The following KCNMA1 variants were observed in gnomAD, a reference collection of about 807,000 sequenced individuals.
KCNMA1 encodes potassium calcium-activated channel subfamily M alpha 1.
A neutral mutation model predicts 140.0 loss-of-function variants in KCNMA1; 29 were observed. That is an observed-to-expected ratio of 0.21 (90% CI 0.15 to 0.28). The LOEUF is 0.28. Among genes scored for constraint, KCNMA1 ranks in the 10% least tolerant of loss-of-function variants. KCNMA1 has a pLI of 1.00. For missense variants in KCNMA1, 880 were observed against 1,602.2 expected, an observed-to-expected ratio of 0.55 and a Z score of 7.70; for synonymous variants, 612 against 611.9, an observed-to-expected ratio of 1.00 and a Z score of 0.00.
At chr10:77,618,018 T>C (rs2154569141) in intron 1 of KCNMA1, among the ~76,000 whole-genome samples, 1 of 152,302 alleles carries the variant, frequency 6.6e-6, no homozygotes, top group African/African-American at 2.4e-5. Flanking sequence ...ATGAACTGTG[T>C]GGGTAGACGT....
intron 1 of KCNMA1, among the ~76,000 whole-genome samples, chr10:77,531,819 G>C (rs1057468729): frequency 2.1e-4 from 32 of 152,348 alleles, no homozygotes; most frequent in African/African-American, 7.7e-4. Context: ...AGCCAAGAAA[G>C]AGGCAACAAG....
chr10:77,176,275 T>C (rs1597954211), intron 5 of KCNMA1, among the ~76,000 whole-genome samples: 1 of 152,254 alleles, frequency 6.6e-6, no homozygotes, highest in East Asian at 1.9e-4. Flanking sequence ...CTCTGTAAAC[T>C]CCAGAAAGCA....
intron 20 of KCNMA1, among the ~76,000 whole-genome samples, chr10:76,965,428 T>C (rs1007157877): frequency 1.3e-5 from 2 of 152,056 alleles, no homozygotes; most frequent in Non-Finnish European, 2.9e-5. Flanking sequence ...GTCTCAGAAA[T>C]CTCCTGATGG....
intron 1 of KCNMA1, among the ~76,000 whole-genome samples, chr10:77,482,488 C>T (rs936249846): frequency 3.3e-5 from 5 of 152,302 alleles, no homozygotes; most frequent in South Asian, 2.1e-4. Flanking sequence ...TCTCTGACCA[C>T]GCAGCAGAAA....
At chr10:77,453,370 T>C (rs2097699250) in intron 1 of KCNMA1, among the ~76,000 whole-genome samples, 1 of 149,778 alleles carries the variant, frequency 6.7e-6, no homozygotes, top group African/African-American at 2.5e-5. Context: ...TAAATATAAA[T>C]AAATAAATAA....
At chr10:77,345,833 T>C (rs1327885909) in intron 2 of KCNMA1, among the ~76,000 whole-genome samples, 2 of 152,140 alleles carry the variant, frequency 1.3e-5, no homozygotes, top group Non-Finnish European at 2.9e-5. Flanking sequence ...TGGGACACAG[T>C]TGGTGCTCAA....
At chr10:77,636,640 GC>G in intron 1 of KCNMA1, 1 of 1,535,900 alleles carries the variant, frequency 6.5e-7, no homozygotes, top group African/African-American at 1.4e-5. Context: ...AGCCCCGTGG[GC>G]TACCCCCAAT....
chr10:77,233,292 C>T (rs1002624708), intron 3 of KCNMA1, among the ~76,000 whole-genome samples: 3 of 152,088 alleles, frequency 2.0e-5, no homozygotes, highest in African/African-American at 7.2e-5. Context: ...AAGTAATAGC[C>T]TAATGCCCAA....
At position 76,885,519 on chromosome 10, in the gene KCNMA1, T is replaced by G. The variant is rs2036500335; in HGVS notation, c.*1747A>C. ...AGCAAATATCCAAAACTATCATGCT[T>G]GAGGGGACGGGGGATCCAAAATCTA... On this transcript the variant is annotated 3_prime_UTR_variant, in exon 28 of 28. Coordinates refer to ENST00000286628, the MANE Select transcript of KCNMA1 (RefSeq NM_001161352.2). The G allele has an allele frequency of 1.0e-6, 1 of 985,172 alleles. No homozygotes were observed. Among genetic ancestry groups the G allele is most frequent in the East Asian group, 1.1e-4 (1 of 8,810 alleles). The allele number at this position is 985,172 out of a possible 1,614,324, so 61.0% of individuals were successfully genotyped here. A position where few individuals can be genotyped will look rare whatever the true frequency, so the allele number is the denominator to read the frequency against.
intron 2 of KCNMA1, among the ~76,000 whole-genome samples, chr10:77,326,490 T>C (rs908977151): frequency 2.0e-5 from 3 of 151,904 alleles, no homozygotes; most frequent in African/African-American, 4.8e-5. Flanking sequence ...GTGCTGAAAA[T>C]AGATTTGTCT....
intron 1 of KCNMA1, among the ~76,000 whole-genome samples, chr10:77,508,633 T>C (rs1196521941): frequency 2.0e-5 from 3 of 151,038 alleles, no homozygotes; most frequent in African/African-American, 7.3e-5. Context: ...TCTCTTTTTT[T>C]CTTTTTGTAA....
chr10:77,007,479 C>T (rs940470561), intron 18 of KCNMA1, among the ~76,000 whole-genome samples: 1 of 151,578 alleles, frequency 6.6e-6, no homozygotes, highest in Non-Finnish European at 1.5e-5. Flanking sequence ...ACTTACAGTC[C>T]CAAAGTTGAG....
intron 12 of KCNMA1, among the ~76,000 whole-genome samples, chr10:77,082,775 TAGA>T (rs1212226577): frequency 1.3e-5 from 2 of 152,112 alleles, no homozygotes; most frequent in East Asian, 3.9e-4. Flanking sequence ...GCCCAAAGCT[TAGA>T]AGAGTTCACG....
At chr10:77,601,333 T>C (rs956085362) in intron 1 of KCNMA1, among the ~76,000 whole-genome samples, 3 of 152,160 alleles carry the variant, frequency 2.0e-5, no homozygotes, top group Non-Finnish European at 4.4e-5. Flanking sequence ...ACGGACGATC[T>C]CTAAGATGTC....
chr10:76,903,000 G>A (rs1564806762), intron 25 of KCNMA1: 1 of 152,198 alleles, frequency 6.6e-6, no homozygotes, highest in Non-Finnish European at 1.5e-5. Context: ...AGAACACAAG[G>A]GTGGCCCGCT....
intron 17 of KCNMA1, among the ~76,000 whole-genome samples, chr10:77,015,306 A>T (rs778454621): frequency 6.6e-6 from 1 of 152,032 alleles, no homozygotes; most frequent in Non-Finnish European, 1.5e-5. Flanking sequence ...GAAATGGCAC[A>T]CGACAGCCTC....
chr10:77,336,396 G>A (rs1343928215), intron 2 of KCNMA1, among the ~76,000 whole-genome samples: 2 of 148,544 alleles, frequency 1.3e-5, no homozygotes, highest in Non-Finnish European at 3.0e-5. Context: ...CATACACTGT[G>A]AAATTTCCAA....
chr10:77,496,701 C>T (rs1307083789), intron 1 of KCNMA1, among the ~76,000 whole-genome samples: 1 of 146,616 alleles, frequency 6.8e-6, no homozygotes, highest in Non-Finnish European at 1.5e-5. Context: ...CTTGATTTCT[C>T]AACATCACTG....
At chr10:77,399,686 C>T (rs2154458821) in intron 2 of KCNMA1, among the ~76,000 whole-genome samples, 1 of 152,302 alleles carries the variant, frequency 6.6e-6, no homozygotes, top group African/African-American at 2.4e-5. Flanking sequence ...ATAAAAAGCA[C>T]TGGTGAATGG....
Sources: allele counts gnomAD v4.1 joint callset (sites outside exome capture counted in the v4.1 genomes callset), GRCh38; gene constraint gnomAD v4.1.1; transcripts MANE v1.5; gene names NCBI Gene and HGNC (gene_info 2026-07-23, HGNC 2026-07-21).